Variants in JAKMIP1 observed in about 807,000 individuals in gnomAD.
JAKMIP1 encodes janus kinase and microtubule interacting protein 1.
Under a neutral mutation model 113.0 loss-of-function variants are expected in JAKMIP1, and 33 were observed. That is an observed-to-expected ratio of 0.29 (90% confidence interval 0.22 to 0.39). JAKMIP1 has a LOEUF of 0.39. JAKMIP1 is among the 10% of genes least tolerant of loss of function. The probability of loss-of-function intolerance (pLI) is 1.00; values close to 1 mark genes in which losing one functional copy is unlikely to be tolerated. For missense variants in JAKMIP1, 813 were observed against 1,080.5 expected (o/e 0.75, Z 3.47); for synonymous variants, 480 against 459.9 (o/e 1.04, Z -0.56).
chr4:6,125,824 A>ACG (rs1717410364), intron 1 of JAKMIP1, among the ~76,000 whole-genome samples: 1 of 109,824 alleles, frequency 9.1e-6, no homozygotes, highest in South Asian at 3.3e-4. Flanking sequence ...CACACCATAC[A>ACG]CACCATGCAG....
At position 6,150,931 on chromosome 4, in the gene JAKMIP1, C is replaced by T. The variant is rs570770747; in HGVS notation, c.-147-37934G>A. Among the ~76,000 whole-genome samples the T allele has an allele frequency of 6.6e-6, 1 of 152,282 alleles. No individual in the cohort carries two copies. The highest frequency in any genetic ancestry group is 2.1e-4 in the South Asian group (1 of 4,808). ...GCCCAGGTGACACACATTTACAACC[C>T]CACCAGTGGGTCCCTGTCATCCACC... On this transcript the variant is annotated intron_variant, in intron 1 of 20. Coordinates refer to ENST00000409021, the MANE Select transcript of JAKMIP1 (RefSeq NM_001099433.2). The surrounding 1 kb of genome is among the most constrained non-coding windows in gnomAD (Gnocchi z 4.8).
At chr4:6,074,778 A>G (rs1217508696) in intron 8 of JAKMIP1, among the ~76,000 whole-genome samples, 1 of 152,254 alleles carries the variant, frequency 6.6e-6, no homozygotes, top group African/African-American at 2.4e-5. Flanking sequence ...CGGTCCCATA[A>G]GATCATAACA....
At chr4:6,055,265 C>A (rs114728324) in intron 12 of JAKMIP1, among the ~76,000 whole-genome samples, 77 of 152,214 alleles carry the variant, frequency 5.1e-4, no homozygotes, top group African/African-American at 1.7e-3. Context: ...GGGGGGACTG[C>A]ACATGGGCAG....
In JAKMIP1 at chr4:6,080,143, G is replaced by T. The variant is rs1177375098; in HGVS notation, c.1242+29C>A. 1.9e-6 allele frequency: 3 copies of T among 1,557,990 alleles called. No individual in the cohort carries two copies. Among genetic ancestry groups the T allele is most frequent in the Non-Finnish European group, 2.6e-6 (3 of 1,150,494 alleles). ...GTCAGCTGGTGCCACCCCTGCCAGG[G>T]GCAGCCGCGCCAGCTGTGCTAGATG... On this transcript the variant is annotated intron_variant, in intron 7 of 20. Transcript: ENST00000409021. This position sits in a 1 kb window ranked among gnomAD's most constrained non-coding sequence, Gnocchi z 6.0.
chr4:6,127,893 C>T (rs1259822953), intron 1 of JAKMIP1, among the ~76,000 whole-genome samples: 8 of 152,186 alleles, frequency 5.3e-5, no homozygotes, highest in Non-Finnish European at 8.8e-5. Context: ...TCCGGGCACT[C>T]GGAAGCCCCC....
At chr4:6,038,286 C>T (rs896619915) in intron 18 of JAKMIP1, among the ~76,000 whole-genome samples, 18 of 150,418 alleles carry the variant, frequency 1.2e-4, no homozygotes, top group East Asian at 1.9e-4. Flanking sequence ...AGAGGCTAAC[C>T]GGTATCCCTC....
chr4:6,110,022 G>A (rs1209160712), intron 2 of JAKMIP1, among the ~76,000 whole-genome samples: 1 of 152,144 alleles, frequency 6.6e-6, no homozygotes, highest in African/African-American at 2.4e-5. Context: ...GAGGCAGCCT[G>A]GTAACAGGGA....
chr4:6,105,963 C>A lies in JAKMIP1; in HGVS notation c.134G>T (p.Gly45Val). The A allele has an allele frequency of 1.9e-6, 3 of 1,585,178 alleles. No homozygotes were observed. The highest frequency in any genetic ancestry group is 2.3e-5 in the South Asian group (2 of 88,392). The change falls in exon 3 of 21, where the codon GGC becomes GTC. Residue 45 changes from glycine (G) to valine (V), a missense_variant. Physicochemically the swap from Gly to Val is moderately radical, Grantham distance 109 (BLOSUM62 -3). This residue lies in a region of JAKMIP1 where 540 missense variants were observed against 653.9 expected (regional missense o/e 0.83). Coordinates refer to ENST00000409021, the MANE Select transcript of JAKMIP1 (RefSeq NM_001099433.2). The stretch of plus-strand genomic sequence containing the variant: ...CTCCTGCAGCCGCTCGCGCAGTTTG[C>A]CCACCTGCAGCCAGAGCGGCGAGAG... ...IEFQQEKSKV[G>V]KLRERLQEAK...
At chr4:6,127,672 G>A (rs1386443989) in intron 1 of JAKMIP1, among the ~76,000 whole-genome samples, 3 of 152,152 alleles carry the variant, frequency 2.0e-5, no homozygotes, top group East Asian at 1.9e-4. Context: ...GGCCCCACAG[G>A]CCACATCCCC....
rs760054894 is a variant in JAKMIP1 at position 6,080,793 on chromosome 4, C to T, written c.1102-481G>A. 2.6e-5 allele frequency among the ~76,000 whole-genome samples: 4 copies of T among 152,058 alleles called. No homozygotes were observed. Among genetic ancestry groups the T allele is most frequent in the African/African-American group, 9.7e-5 (4 of 41,390 alleles). The stretch of plus-strand genomic sequence containing the variant: ...TCAGCAGTGTGAAAATGGACTAATA[C>T]GTGGCCACCTTGTCCTGTGCTGGAA... On this transcript the variant is annotated intron_variant, in intron 6 of 20. Coordinates refer to ENST00000409021, the MANE Select transcript of JAKMIP1 (RefSeq NM_001099433.2). This position sits in a 1 kb window ranked among gnomAD's most constrained non-coding sequence, Gnocchi z 6.0.
intron 18 of JAKMIP1, among the ~76,000 whole-genome samples, chr4:6,039,201 C>G (rs1259111076): frequency 2.0e-5 from 3 of 152,150 alleles, no homozygotes; most frequent in Non-Finnish European, 4.4e-5. Context: ...GCCCCTCAGG[C>G]CTTCCTGAGT....
At position 6,184,354 on chromosome 4, in the gene JAKMIP1, C is replaced by T. The variant is rs1007433778; in HGVS notation, c.-148+15899G>A. Among the ~76,000 whole-genome samples the T allele has an allele frequency of 3.9e-5, 6 of 152,188 alleles. No individual in the cohort carries two copies. The highest frequency in any genetic ancestry group is 7.2e-5 in the African/African-American group (3 of 41,456). The stretch of plus-strand genomic sequence containing the variant: ...GAAGGGGGCATGCCTCGAACACACG[C>T]CTCCCTACTCCCAGCCCACTGCTGG... On this transcript the variant is annotated intron_variant, in intron 1 of 20. Coordinates refer to ENST00000409021, the MANE Select transcript of JAKMIP1 (RefSeq NM_001099433.2). The surrounding 1 kb of genome is among the most constrained non-coding windows in gnomAD (Gnocchi z 4.5).
chr4:6,187,448 G>A lies in JAKMIP1; in HGVS notation c.-148+12805C>T, dbSNP rs139201715. Among the ~76,000 whole-genome samples the A allele has an allele frequency of 2.9e-3, 439 of 152,332 alleles. 1 individual carries two copies. The highest frequency in any genetic ancestry group is 1.0e-2 in the African/African-American group (414 of 41,562). ...GTTTATGTACCCCCAGAATTCATAT[G>A]TTTCTAGTCACCAGTATGATAGCAT... On this transcript the variant is annotated intron_variant, in intron 1 of 20. Coordinates refer to ENST00000409021, the MANE Select transcript of JAKMIP1 (RefSeq NM_001099433.2). The surrounding 1 kb of genome is among the most constrained non-coding windows in gnomAD (Gnocchi z 4.2).
Position 6,157,941 on chromosome 4 carries a change from C to T in JAKMIP1, c.-148+42312G>A, listed in dbSNP as rs1722446291. On this transcript the variant is annotated intron_variant, in intron 1 of 20. Transcript: ENST00000409021. The surrounding 1 kb of genome is among the most constrained non-coding windows in gnomAD (Gnocchi z 4.7). ...TCAGCAGCACTAACTCCTGATGCAA[C>T]AGCTTTCTTTCTATGGATCACTTCA... Among the ~76,000 whole-genome samples the T allele has an allele frequency of 6.6e-6, 1 of 152,230 alleles. No individual in the cohort carries two copies. The highest frequency in any genetic ancestry group is 2.1e-4 in the South Asian group (1 of 4,826).
At position 6,156,206 on chromosome 4, in the gene JAKMIP1, G is replaced by A. The variant is rs910147062; in HGVS notation, c.-147-43209C>T. ...GCCCGGCACAGAGCCAGCCAGCCAC[G>A]CGCAAAGCCAGCCCTCGGAAGTGGC... On this transcript the variant is annotated intron_variant, in intron 1 of 20. Coordinates refer to ENST00000409021, the MANE Select transcript of JAKMIP1 (RefSeq NM_001099433.2). The surrounding 1 kb of genome is among the most constrained non-coding windows in gnomAD (Gnocchi z 5.0). 6.6e-6 allele frequency among the ~76,000 whole-genome samples: 1 copy of A among 152,336 alleles called. No individual in the cohort carries two copies. Among genetic ancestry groups the A allele is most frequent in the Admixed American group, 6.5e-5 (1 of 15,300 alleles).
chr4:6,135,798 C>T lies in JAKMIP1; in HGVS notation c.-147-22801G>A, dbSNP rs548704446. 6.6e-6 allele frequency among the ~76,000 whole-genome samples: 1 copy of T among 152,030 alleles called. No individual in the cohort carries two copies. On this transcript the variant is annotated intron_variant, in intron 1 of 20. Transcript: ENST00000409021. This position sits in a 1 kb window ranked among gnomAD's most constrained non-coding sequence, Gnocchi z 4.9. ...TGGTTCTTCCCCTAAACCACACTGC[C>T]CAGCACAATGCTGGCTCACACAGAA...
At position 6,079,273 on chromosome 4, in the gene JAKMIP1, T is replaced by G. The variant is rs187122542; in HGVS notation, c.1243-275A>C. On this transcript the variant is annotated intron_variant, in intron 7 of 20. Coordinates refer to ENST00000409021, the MANE Select transcript of JAKMIP1 (RefSeq NM_001099433.2). ...AATGAAGCAAAGATGGATGGATAGA[T>G]AGATGTATGCATAGATAAGTGGATG... 4.5e-4 allele frequency among the ~76,000 whole-genome samples: 68 copies of G among 152,286 alleles called. 1 individual carries two copies. Among genetic ancestry groups the G allele is most frequent in the African/African-American group, 1.6e-3 (66 of 41,548 alleles).
chr4:6,120,040 G>C (rs1028069375), intron 1 of JAKMIP1, among the ~76,000 whole-genome samples: 2 of 152,312 alleles, frequency 1.3e-5, no homozygotes. Context: ...AGAAGTCTTT[G>C]TAACACTTCC....
rs1578033135 is a variant in JAKMIP1 at position 6,031,813 on chromosome 4, G to C, written c.2380-2032C>G. Among the ~76,000 whole-genome samples the C allele has an allele frequency of 6.6e-6, 1 of 152,340 alleles. No individual in the cohort carries two copies. Among genetic ancestry groups the C allele is most frequent in the East Asian group, 1.9e-4 (1 of 5,176 alleles). The stretch of plus-strand genomic sequence containing the variant: ...AGTTATTCTGCCTCCCTGAGGCTTG[G>C]TGTCCTTATCTATAGATGGGTGCTG... On this transcript the variant is annotated intron_variant, in intron 19 of 20. Transcript: ENST00000409021. This position sits in a 1 kb window ranked among gnomAD's most constrained non-coding sequence, Gnocchi z 4.4.
Sources: allele counts gnomAD v4.1 joint callset (sites outside exome capture counted in the v4.1 genomes callset), GRCh38; gene constraint gnomAD v4.1.1; regional missense constraint gnomAD v4.1.1; non-coding constraint Gnocchi (gnomAD v3.1); transcripts MANE v1.5; gene names NCBI Gene and HGNC (gene_info 2026-07-23, HGNC 2026-07-21).